FAM120A: variants seen among roughly 807,000 people sequenced by gnomAD.
FAM120A encodes family with sequence similarity 120 member A.
Under a neutral mutation model 109.7 loss-of-function variants are expected in FAM120A, and 15 were observed. The ratio of observed to expected loss-of-function variants is 0.14; its 90% confidence interval spans 0.09 to 0.21. The LOEUF is 0.21. FAM120A is among the 10% of genes least tolerant of loss of function. The pLI, the probability that FAM120A is intolerant of heterozygous loss-of-function variation, is 1.00. For missense variants in FAM120A, 899 were observed against 1,439.3 expected (o/e 0.62, Z 6.07); for synonymous variants, 493 against 572.8 (o/e 0.86, Z 1.99).
Position 93,532,315 on chromosome 9 carries a change from G to A in FAM120A, c.1895G>A (p.Arg632Lys). 1 of 1,614,156 alleles carries A rather than the reference G, an allele frequency of 6.2e-7. No homozygotes were observed. The highest frequency in any genetic ancestry group is 1.3e-5 in the African/African-American group (1 of 75,068). ...GAGAGACTTGCTTTTAGAAAGAACAGACTTCCACCAGAATGTATGTACTGT... is the reference window on the plus strand; with the variant it reads ...GAGAGACTTGCTTTTAGAAAGAACAAACTTCCACCAGAATGTATGTACTGT... ...KTERLAFRKNRLPPEFSPVII... is the reference protein window; with the variant it reads ...KTERLAFRKNKLPPEFSPVII... The change falls in exon 10 of 18, where the codon AGA becomes AAA. Residue 632 changes from arginine to lysine, a missense_variant. Coordinates refer to ENST00000277165, the MANE Select transcript of FAM120A (RefSeq NM_014612.5). This position sits in a 1 kb window ranked among gnomAD's most constrained non-coding sequence, Gnocchi z 4.3.
At chr9:93,536,524 A>G (rs562527368) in intron 10 of FAM120A, among the ~76,000 whole-genome samples, 1 of 152,392 alleles carries the variant, frequency 6.6e-6, no homozygotes, top group South Asian at 2.1e-4. Context: ...GAACTATTCA[A>G]AAGGCAAGCA....
At chr9:93,479,081 G>A (rs1251071018) in intron 3 of FAM120A, among the ~76,000 whole-genome samples, 1 of 147,906 alleles carries the variant, frequency 6.8e-6, no homozygotes, top group Non-Finnish European at 1.5e-5. Flanking sequence ...TTTAAGATTA[G>A]GGTATTGCAT....
intron 7 of FAM120A, among the ~76,000 whole-genome samples, chr9:93,520,336 C>T (rs887609482): frequency 6.6e-6 from 1 of 152,246 alleles, no homozygotes; most frequent in East Asian, 1.9e-4. Flanking sequence ...GCGCTCTCTC[C>T]TGGGCAATGT....
chr9:93,529,622 G>T lies in FAM120A; in HGVS notation c.1734+42G>T, dbSNP rs749730597. On this transcript the variant is annotated intron_variant, in intron 9 of 17. Coordinates refer to ENST00000277165, the MANE Select transcript of FAM120A (RefSeq NM_014612.5). Reference sequence around the variant, plus strand: ...CCTGGAGTGGCTTCTGTTATTTGATGAGTGGCCATTCCTATGGGTGTTTTG... The same window carrying T: ...CCTGGAGTGGCTTCTGTTATTTGATTAGTGGCCATTCCTATGGGTGTTTTG... 144 of 1,550,914 alleles carry T rather than the reference G, an allele frequency of 9.3e-5. 1 individual carries two copies. The highest frequency in any genetic ancestry group is 3.4e-4 in the Admixed American group (20 of 59,500).
intron 12 of FAM120A, among the ~76,000 whole-genome samples, chr9:93,554,484 C>G (rs112881218): frequency 0.048 from 7,324 of 152,054 alleles, 230 homozygotes; most frequent in Non-Finnish European, 0.071. Flanking sequence ...ACCAGCCTGG[C>G]CAACATGGTG....
rs1241939020 is a variant in FAM120A at position 93,452,081 on chromosome 9, C to T, written c.166C>T (p.Arg56Cys). The change falls in exon 1 of 18, where the codon CGC (arginine) becomes TGC (cysteine). Residue 56 changes from arginine to cysteine, a missense_variant. Arg to Cys is a radical substitution (Grantham distance 180). Around this residue, in one of 11 missense-constraint regions of FAM120A, gnomAD observed 258 missense variants for 451.4 expected, o/e 0.57. Transcript: ENST00000277165. The surrounding 1 kb of genome is among the most constrained non-coding windows in gnomAD (Gnocchi z 7.0). The stretch of plus-strand genomic sequence containing the variant: ...GGTGGACGCCGACAACTGCCTGCAC[C>T]GCCTCTACGGCGGCTTCTACACCGA... The part of the protein sequence containing the change: ...LLVDADNCLH[R>C]LYGGFYTDWV... 1.2e-6 allele frequency: 2 copies of T among 1,606,748 alleles called. No individual in the cohort carries two copies. Among genetic ancestry groups the T allele is most frequent in the African/African-American group, 1.3e-5 (1 of 74,862 alleles).
chr9:93,474,640 C>A (rs1858469478), intron 2 of FAM120A, among the ~76,000 whole-genome samples: 1 of 152,088 alleles, frequency 6.6e-6, no homozygotes, highest in Non-Finnish European at 1.5e-5. Context: ...GTCGCCCAGG[C>A]TGGAGTGCAG....
At chr9:93,457,362 G>A (rs1857594210) in intron 1 of FAM120A, among the ~76,000 whole-genome samples, 1 of 151,398 alleles carries the variant, frequency 6.6e-6, no homozygotes, top group Admixed American at 6.6e-5. Context: ...TATGTCATAA[G>A]TTATATAATA....
chr9:93,535,533 A>G (rs951492126), intron 10 of FAM120A, among the ~76,000 whole-genome samples: 1 of 152,226 alleles, frequency 6.6e-6, no homozygotes, highest in Non-Finnish European at 1.5e-5. Context: ...AATGGAAAAG[A>G]TGTGTAGATT....
At chr9:93,527,654 G>T (rs185450035) in intron 8 of FAM120A, among the ~76,000 whole-genome samples, 1 of 78,750 alleles carries the variant, frequency 1.3e-5, no homozygotes, top group African/African-American at 4.6e-5. Flanking sequence ...ATGGAGTCTT[G>T]CTCTGTCACC....
chr9:93,490,440 G>A (rs1488921168), intron 3 of FAM120A, among the ~76,000 whole-genome samples: 1 of 152,142 alleles, frequency 6.6e-6, no homozygotes, highest in African/African-American at 2.4e-5. Flanking sequence ...CTGTCTAGTG[G>A]TACATTTTAG....
At position 93,452,897 on chromosome 9, in the gene FAM120A, A is replaced by C; in HGVS notation, c.474+508A>C. The C allele has an allele frequency of 7.0e-7, 1 of 1,438,684 alleles. No homozygotes were observed. The highest frequency in any genetic ancestry group is 2.5e-5 in the East Asian group (1 of 39,224). The allele number at this position is 1,438,684 out of a possible 1,614,324, so 89.1% of individuals were successfully genotyped here. A position where few individuals can be genotyped will look rare whatever the true frequency, so the allele number is the denominator to read the frequency against. On this transcript the variant is annotated intron_variant, in intron 1 of 17. Coordinates refer to ENST00000277165, the MANE Select transcript of FAM120A (RefSeq NM_014612.5). This position sits in a 1 kb window ranked among gnomAD's most constrained non-coding sequence, Gnocchi z 7.0. ...AGTGCTGCTGCCGCCGCCCTTGCCA[A>C]TGTTGTTAGCCCGGTGACAGCGAGA...
At chr9:93,517,582 A>G (rs879607749) in intron 7 of FAM120A, among the ~76,000 whole-genome samples, 1 of 152,264 alleles carries the variant, frequency 6.6e-6, no homozygotes, top group South Asian at 2.1e-4. Context: ...GTGTCTGTAC[A>G]ATACAGTTTT....
intron 1 of FAM120A, among the ~76,000 whole-genome samples, chr9:93,465,767 A>G (rs918542635): frequency 2.0e-5 from 3 of 152,144 alleles, no homozygotes; most frequent in African/African-American, 7.2e-5. Flanking sequence ...TTTGGATTTC[A>G]TCTGTTTCCC....
chr9:93,561,059 T>G (rs757319731), intron 15 of FAM120A, 50 bp from the exon 16 acceptor site: 1 of 1,598,198 alleles, frequency 6.3e-7, no homozygotes, highest in Non-Finnish European at 8.6e-7. Context: ...TTTGCTATTC[T>G]TAATTCTGTG....
At chr9:93,523,345 C>T (rs1295754445) in intron 7 of FAM120A, 2 of 1,288,550 alleles carry the variant, frequency 1.6e-6, no homozygotes, top group East Asian at 5.6e-5. Flanking sequence ...GTGCTCTGCT[C>T]CAGGATCCTG....
rs1158880882 is a variant in FAM120A, at chr9:93,558,148, CA to C, written c.2668+140del. 6.4e-6 allele frequency: 6 copies of C among 930,322 alleles called. No homozygotes were observed. The African/African-American group carries it at 1.0e-4, about 16-fold the overall frequency. The allele number at this position is 930,322 out of a possible 1,614,324, so 57.6% of individuals were successfully genotyped here. A position where few individuals can be genotyped will look rare whatever the true frequency, so the allele number is the denominator to read the frequency against. On this transcript the variant is annotated intron_variant, in intron 14 of 17. Coordinates refer to ENST00000277165, the MANE Select transcript of FAM120A (RefSeq NM_014612.5). ...TGGAGATCCTGCAGCAGCAGTTCTT[CA>C]AGTCCGTGAGGAGCAAGTTTAATCC...
chr9:93,471,193 A>G lies in FAM120A; in HGVS notation c.527A>G (p.Glu176Gly). Residue 176 changes from glutamate (E) to glycine (G), a missense_variant, in exon 2 of 18, where the codon GAG becomes GGG. Physicochemically the swap from Glu to Gly is moderately conservative, Grantham distance 98. Around this residue, in one of 11 missense-constraint regions of FAM120A, gnomAD observed 258 missense variants for 451.4 expected, o/e 0.57. Coordinates refer to ENST00000277165, the MANE Select transcript of FAM120A (RefSeq NM_014612.5). ...HHQEVIGFCR[E>G]NGFHGLVAYD... Reference sequence around the variant, plus strand: ...CAGGAAGTGATTGGTTTCTGCAGAGAGAATGGTTTCCATGGCTTGGTTGCG... The same window carrying G: ...CAGGAAGTGATTGGTTTCTGCAGAGGGAATGGTTTCCATGGCTTGGTTGCG... 1 of 1,614,148 alleles carries G rather than the reference A, an allele frequency of 6.2e-7. No homozygotes were observed. Among genetic ancestry groups the G allele is most frequent in the Non-Finnish European group, 8.5e-7 (1 of 1,180,028 alleles).
At chr9:93,556,010 T>C (rs1310092494) in intron 12 of FAM120A, among the ~76,000 whole-genome samples, 9 of 152,152 alleles carry the variant, frequency 5.9e-5, no homozygotes, top group Non-Finnish European at 1.2e-4. Flanking sequence ...AGATCTGAAA[T>C]GTGAAGTGTT....
Sources: allele counts gnomAD v4.1 joint callset (sites outside exome capture counted in the v4.1 genomes callset), GRCh38; gene constraint gnomAD v4.1.1; regional missense constraint gnomAD v4.1.1; non-coding constraint Gnocchi (gnomAD v3.1); transcripts MANE v1.5; gene names NCBI Gene and HGNC (gene_info 2026-07-23, HGNC 2026-07-21).